POLQ: variants seen among roughly 807,000 people sequenced by gnomAD.
POLQ encodes DNA polymerase theta.
A neutral mutation model predicts 259.2 loss-of-function variants in POLQ; 233 were observed. That is an observed-to-expected ratio of 0.90 (90% confidence interval 0.81 to 1.00). The LOEUF (loss-of-function observed/expected upper bound fraction) is 1.00, where lower values mean the gene tolerates loss of function less well. Among genes scored for constraint, POLQ ranks in the 50% least tolerant of loss-of-function variants. POLQ has a pLI of 0.00. For synonymous variants in POLQ, 1,025 were observed against 1,048.8 expected (o/e 0.98, Z 0.44); for missense variants, 2,871 against 3,051.6 (o/e 0.94, Z 1.39).
At chr3:121,522,851 C>G (rs920055485) in intron 7 of POLQ, among the ~76,000 whole-genome samples, 4 of 152,110 alleles carry the variant, frequency 2.6e-5, no homozygotes, top group South Asian at 2.1e-4. Context: ...AAATCAAAAC[C>G]CTTGCTCAAG....
chr3:121,495,205 G>C (rs1020295851), intron 14 of POLQ, among the ~76,000 whole-genome samples: 1 of 151,958 alleles, frequency 6.6e-6, no homozygotes, highest in Non-Finnish European at 1.5e-5. Flanking sequence ...TGGGAGGCGG[G>C]GGTTGTGGTG....
chr3:121,499,355 C>A (rs2108803042), intron 12 of POLQ, among the ~76,000 whole-genome samples: 1 of 151,152 alleles, frequency 6.6e-6, no homozygotes, highest in South Asian at 2.1e-4. Flanking sequence ...TGTGCTCAAG[C>A]AATCCTCCCA....
intron 26 of POLQ, among the ~76,000 whole-genome samples, chr3:121,441,394 G>GTGA (rs1322690193): frequency 1.3e-5 from 2 of 152,056 alleles, no homozygotes; most frequent in African/African-American, 4.8e-5. Context: ...TTACAGTCAG[G>GTGA]CCCCATGATC....
At chr3:121,476,444 G>T in intron 20 of POLQ, 96 bp downstream of exon 20, 1 of 844,026 alleles carries the variant, frequency 1.2e-6, no homozygotes, top group Non-Finnish European at 1.8e-6. Context: ...GACCTTTGGT[G>T]TTCAGGTAAA....
At chr3:121,544,616 G>C in intron 2 of POLQ, 111 bp downstream of exon 2, 1 of 644,500 alleles carries the variant, frequency 1.6e-6, no homozygotes, top group Non-Finnish European at 2.7e-6. Context: ...ATTTTCTCTA[G>C]TTATAAAGCA....
chr3:121,495,825 G>T (rs1441842110), intron 14 of POLQ, among the ~76,000 whole-genome samples: 1 of 142,652 alleles, frequency 7.0e-6, no homozygotes, highest in Admixed American at 7.1e-5. Flanking sequence ...CTCCAGCCTG[G>T]GAGACAGAGC....
At chr3:121,519,553 G>A (rs901654109) in intron 9 of POLQ, among the ~76,000 whole-genome samples, 3 of 150,264 alleles carry the variant, frequency 2.0e-5, no homozygotes, top group African/African-American at 7.3e-5. Context: ...GCAGGCGCCT[G>A]TAGTCCCAGC....
chr3:121,494,076 A>G (rs1052924443), intron 14 of POLQ: 3 of 658,154 alleles, frequency 4.6e-6, no homozygotes, highest in African/African-American at 3.6e-5. Context: ...ACTCTTAAAA[A>G]CATGTAAAGG....
At chr3:121,493,217 G>T (rs1394424846) in intron 15 of POLQ, among the ~76,000 whole-genome samples, 1 of 150,950 alleles carries the variant, frequency 6.6e-6, no homozygotes, top group African/African-American at 2.4e-5. Flanking sequence ...CAGGAGAATC[G>T]CTTGAACCCA....
At chr3:121,525,233 C>T (rs887855704) in intron 7 of POLQ, among the ~76,000 whole-genome samples, 3 of 151,664 alleles carry the variant, frequency 2.0e-5, no homozygotes, top group South Asian at 2.1e-4. Context: ...CCCAGCTACT[C>T]GGGAGGCTGA....
At chr3:121,437,780 TC>T (rs745778985) in intron 27 of POLQ, among the ~76,000 whole-genome samples, 1 of 152,156 alleles carries the variant, frequency 6.6e-6, no homozygotes, top group Non-Finnish European at 1.5e-5. Context: ...ACCCAAGTTC[TC>T]ATCAAGAGAA....
chr3:121,458,976 A>G (rs1249764672), intron 25 of POLQ, among the ~76,000 whole-genome samples: 1 of 152,214 alleles, frequency 6.6e-6, no homozygotes, highest in African/African-American at 2.4e-5. Context: ...GGTGGTGTGC[A>G]TTTACCTCAG....
Position 121,440,489 on chromosome 3 carries a change from C to T in POLQ, c.7265-373G>A, listed in dbSNP as rs150552094. Among the ~76,000 whole-genome samples the T allele has an allele frequency of 4.4e-4, 67 of 152,104 alleles. 1 individual carries two copies. Among genetic ancestry groups the T allele is most frequent in the African/African-American group, 1.5e-3 (61 of 41,464 alleles). On this transcript the variant is annotated intron_variant, in intron 26 of 29. Transcript: ENST00000264233. ...AGGTGGGACTACAGGCACCGCGTCA[C>T]GATGCCAGGATAATTTTTATATTTT...
chr3:121,475,550 G>C (rs952217665), intron 20 of POLQ, among the ~76,000 whole-genome samples: 2 of 152,092 alleles, frequency 1.3e-5, no homozygotes, highest in African/African-American at 2.4e-5. Context: ...AGCAAACCCA[G>C]GAAGAGAGAC....
chr3:121,452,208 G>A (rs541911682), intron 25 of POLQ, among the ~76,000 whole-genome samples: 59 of 152,300 alleles, frequency 3.9e-4, no homozygotes, highest in African/African-American at 1.4e-3. Context: ...GGCTAGGAAA[G>A]GGAATTCCCT....
intron 19 of POLQ, among the ~76,000 whole-genome samples, chr3:121,477,776 C>T (rs570490471): frequency 1.3e-5 from 2 of 152,218 alleles, no homozygotes; most frequent in Admixed American, 1.3e-4. Flanking sequence ...GCCCACCTTC[C>T]CCAGCTCCAC....
chr3:121,526,445 T>C (rs191875834), intron 7 of POLQ, among the ~76,000 whole-genome samples: 10 of 152,336 alleles, frequency 6.6e-5, no homozygotes, highest in African/African-American at 2.4e-4. Context: ...TATCCCTTCC[T>C]GCCTTAAATC....
chr3:121,508,336 C>T (rs1417432932), intron 12 of POLQ, among the ~76,000 whole-genome samples: 1 of 152,072 alleles, frequency 6.6e-6, no homozygotes, highest in African/African-American at 2.4e-5. Context: ...GGAGAATTTA[C>T]TAGAAATAAT....
At chr3:121,454,582 C>T (rs1456229784) in intron 25 of POLQ, among the ~76,000 whole-genome samples, 3 of 152,104 alleles carry the variant, frequency 2.0e-5, no homozygotes, top group African/African-American at 7.2e-5. Context: ...GGGTTGCAAT[C>T]CTAGTCTCTG....
Sources: gnomAD v4.1 joint callset for allele counts (sites outside exome capture counted in the v4.1 genomes callset) on GRCh38, gnomAD v4.1.1 for gene constraint, MANE v1.5 for transcripts, NCBI Gene and HGNC (gene_info 2026-07-23, HGNC 2026-07-21) for gene names.